The following GULP1 variants were observed in gnomAD, a reference collection of about 807,000 sequenced individuals.
GULP1 encodes GULP PTB domain containing engulfment adaptor 1.
Under a neutral mutation model 40.9 loss-of-function variants are expected in GULP1, and 19 were observed. The observed-to-expected ratio is 0.46, with a 90% CI of 0.32 to 0.68. GULP1 has a LOEUF of 0.68. GULP1 is among the 30% of genes least tolerant of loss of function. The pLI, the probability that GULP1 is intolerant of heterozygous loss-of-function variation, is 0.03. For synonymous variants in GULP1, 119 were observed against 117.6 expected, an observed-to-expected ratio of 1.01 and a Z score of -0.08; for missense variants, 312 against 362.2, an observed-to-expected ratio of 0.86 and a Z score of 1.12.
At chr2:188,469,922 G>A (rs2060448497) in intron 2 of GULP1, among the ~76,000 whole-genome samples, 1 of 152,134 alleles carries the variant, frequency 6.6e-6, no homozygotes, top group African/African-American at 2.4e-5. Context: ...GATTCATGAT[G>A]AATGATATTT....
intron 4 of GULP1, among the ~76,000 whole-genome samples, chr2:188,483,927 T>A (rs2061639209): frequency 6.6e-6 from 1 of 152,120 alleles, no homozygotes; most frequent in Admixed American, 6.6e-5. Context: ...AATTTTTATT[T>A]TATTTTATTT....
intron 2 of GULP1, among the ~76,000 whole-genome samples, chr2:188,410,245 C>T (rs749892590): frequency 2.0e-5 from 3 of 151,988 alleles, no homozygotes; most frequent in Non-Finnish European, 2.9e-5. Flanking sequence ...GACTATAAAA[C>T]TACTAGAAGA....
At chr2:188,433,748 G>A (rs2057138555) in intron 2 of GULP1, among the ~76,000 whole-genome samples, 1 of 152,022 alleles carries the variant, frequency 6.6e-6, no homozygotes, top group Middle Eastern at 3.2e-3. Flanking sequence ...TATTCAAAGA[G>A]GTTTTTTCTG....
At chr2:188,464,966 A>G (rs1017174412) in intron 2 of GULP1, among the ~76,000 whole-genome samples, 5 of 152,082 alleles carry the variant, frequency 3.3e-5, no homozygotes, top group African/African-American at 9.7e-5. Context: ...AAGTCCTAGA[A>G]TCAGAGACCT....
At chr2:188,378,102 C>T (rs931782533) in intron 1 of GULP1, among the ~76,000 whole-genome samples, 2 of 151,816 alleles carry the variant, frequency 1.3e-5, no homozygotes, top group Non-Finnish European at 1.5e-5. Context: ...ACTTTGTAAT[C>T]GTTTATTTCT....
intron 6 of GULP1, among the ~76,000 whole-genome samples, chr2:188,531,432 A>C (rs989823767): frequency 1.3e-5 from 2 of 152,202 alleles, no homozygotes; most frequent in South Asian, 2.1e-4. Context: ...CATACCTTCA[A>C]CTTCCCATAT....
At chr2:188,317,966 A>G (rs1308382548) in intron 1 of GULP1, among the ~76,000 whole-genome samples, 3 of 152,098 alleles carry the variant, frequency 2.0e-5, no homozygotes, top group African/African-American at 7.2e-5. Context: ...TTGGCAAACT[A>G]ATCTTTAGTG....
At chr2:188,410,039 C>G (rs915113732) in intron 2 of GULP1, among the ~76,000 whole-genome samples, 1 of 152,088 alleles carries the variant, frequency 6.6e-6, no homozygotes, top group African/African-American at 2.4e-5. Flanking sequence ...GAAATAAATT[C>G]CCACATTTAC....
chr2:188,528,442 G>A (rs1213953032), intron 5 of GULP1, among the ~76,000 whole-genome samples: 3 of 151,642 alleles, frequency 2.0e-5, no homozygotes, highest in Non-Finnish European at 2.9e-5. Context: ...AATCGAACAA[G>A]CATTTACATA....
chr2:188,558,386 A>G (rs758607994), intron 7 of GULP1, among the ~76,000 whole-genome samples: 52 of 152,256 alleles, frequency 3.4e-4, no homozygotes, highest in Middle Eastern at 3.4e-3. Flanking sequence ...GCCACGTAAG[A>G]AGTGCTTTTC....
chr2:188,373,343 A>G (rs972779418), intron 1 of GULP1, among the ~76,000 whole-genome samples: 10 of 151,928 alleles, frequency 6.6e-5, no homozygotes, highest in African/African-American at 2.2e-4. Flanking sequence ...TATTTATTTA[A>G]TAGTTGATAT....
intron 2 of GULP1, among the ~76,000 whole-genome samples, chr2:188,458,711 ATTAAC>A (rs1415634014): frequency 1.3e-5 from 2 of 152,156 alleles, no homozygotes; most frequent in Non-Finnish European, 2.9e-5. Flanking sequence ...ATTTAACAAA[ATTAAC>A]TTAAATTACT....
At chr2:188,530,616 A>G (rs1382706988) in intron 6 of GULP1, among the ~76,000 whole-genome samples, 1 of 152,122 alleles carries the variant, frequency 6.6e-6, no homozygotes, top group Non-Finnish European at 1.5e-5. Context: ...CAGAGTAAGG[A>G]CCACGTGAAG....
At chr2:188,582,318 C>CT (rs1559404186) in intron 9 of GULP1, 1 of 468,824 alleles carries the variant, frequency 2.1e-6, no homozygotes, top group Non-Finnish European at 4.4e-6. Context: ...TAGGATATTT[C>CT]TTTTTCTGTC....
chr2:188,495,045 T>C (rs1317066927), intron 4 of GULP1, among the ~76,000 whole-genome samples: 1 of 152,094 alleles, frequency 6.6e-6, no homozygotes, highest in Admixed American at 6.6e-5. Context: ...TCCTATTTTG[T>C]AAATTGCTTA....
At chr2:188,412,899 A>G (rs1399328530) in intron 2 of GULP1, among the ~76,000 whole-genome samples, 2 of 152,160 alleles carry the variant, frequency 1.3e-5, no homozygotes, top group African/African-American at 4.8e-5. Flanking sequence ...GTACTTTCAT[A>G]TGCTGTATCC....
At chr2:188,350,430 T>C (rs563880788) in intron 1 of GULP1, among the ~76,000 whole-genome samples, 12 of 152,116 alleles carry the variant, frequency 7.9e-5, no homozygotes, top group Non-Finnish European at 1.8e-4. Context: ...TTATTTTATG[T>C]AGTTTCTTCT....
intron 1 of GULP1, among the ~76,000 whole-genome samples, chr2:188,337,513 A>G (rs368816511): frequency 7.3e-5 from 11 of 150,730 alleles, no homozygotes; most frequent in African/African-American, 2.7e-4. Context: ...TAGGTACCTA[A>G]CACTTTGAAC....
At chr2:188,357,757 G>T (rs1388474069) in intron 1 of GULP1, among the ~76,000 whole-genome samples, 1 of 152,120 alleles carries the variant, frequency 6.6e-6, no homozygotes, top group South Asian at 2.1e-4. Flanking sequence ...CATGTTTATT[G>T]TAGTGCTAAT....
Sources: gnomAD v4.1 joint callset for allele counts (sites outside exome capture counted in the v4.1 genomes callset) on GRCh38, gnomAD v4.1.1 for gene constraint, MANE v1.5 for transcripts, NCBI Gene and HGNC (gene_info 2026-07-23, HGNC 2026-07-21) for gene names.